The following SCAI variants were observed in gnomAD, a reference collection of about 807,000 sequenced individuals.
SCAI encodes suppressor of cancer cell invasion, also known as protein SCAI.
A neutral mutation model predicts 92.2 loss-of-function variants in SCAI; 24 were observed. That is an observed-to-expected ratio of 0.26 (90% CI 0.19 to 0.37). The LOEUF is 0.37. Among genes scored for constraint, SCAI ranks in the 10% least tolerant of loss-of-function variants. SCAI has a pLI of 1.00. For synonymous variants in SCAI, 261 were observed against 258.6 expected, an observed-to-expected ratio of 1.01 and a Z score of -0.09; for missense variants, 450 against 736.2, an observed-to-expected ratio of 0.61 and a Z score of 4.50.
intron 9 of SCAI, among the ~76,000 whole-genome samples, chr9:125,013,342 G>A (rs1274436613): frequency 1.3e-5 from 2 of 152,258 alleles, no homozygotes; most frequent in East Asian, 1.9e-4. Flanking sequence ...AAATGATAAA[G>A]GGGATATCAC....
chr9:124,983,635 G>T (rs780160666), intron 14 of SCAI, among the ~76,000 whole-genome samples: 2 of 152,270 alleles, frequency 1.3e-5, no homozygotes, highest in African/African-American at 4.8e-5. Context: ...TTACAGGCGT[G>T]AGCCACCGTG....
At chr9:125,113,612 C>T (rs879776511) in intron 2 of SCAI, among the ~76,000 whole-genome samples, 1 of 151,310 alleles carries the variant, frequency 6.6e-6, no homozygotes, top group Non-Finnish European at 1.5e-5. Context: ...ATCATAACAC[C>T]TCTTGTGTTA....
At chr9:125,052,793 T>G (rs1833584283) in intron 3 of SCAI, among the ~76,000 whole-genome samples, 1 of 151,824 alleles carries the variant, frequency 6.6e-6, no homozygotes, top group Admixed American at 6.6e-5. Context: ...GAACAGATAC[T>G]TTCCCAAAGA....
At chr9:124,979,859 C>T (rs1341092474) in intron 14 of SCAI, among the ~76,000 whole-genome samples, 1 of 151,970 alleles carries the variant, frequency 6.6e-6, no homozygotes, top group East Asian at 1.9e-4. Flanking sequence ...ACCATCCTGG[C>T]TAACACGGTG....
At chr9:125,101,374 A>T (rs1465664388) in intron 2 of SCAI, among the ~76,000 whole-genome samples, 2 of 151,532 alleles carry the variant, frequency 1.3e-5, no homozygotes, top group Admixed American at 1.3e-4. Context: ...CAGTAGAGAG[A>T]GTGGAAAATA....
chr9:125,023,819 G>A (rs1588159065), intron 6 of SCAI, among the ~76,000 whole-genome samples: 1 of 152,134 alleles, frequency 6.6e-6, no homozygotes, highest in South Asian at 2.1e-4. Flanking sequence ...GGAAGCCACT[G>A]TGATGAACTG....
intron 2 of SCAI, among the ~76,000 whole-genome samples, chr9:125,070,942 T>C (rs888720768): frequency 5.3e-5 from 8 of 152,118 alleles, no homozygotes; most frequent in African/African-American, 1.4e-4. Flanking sequence ...CGAGAGATAA[T>C]TGGATCATGG....
intron 14 of SCAI, among the ~76,000 whole-genome samples, chr9:124,987,967 A>T (rs776500934): frequency 1.3e-5 from 2 of 148,712 alleles, no homozygotes; most frequent in Admixed American, 1.3e-4. Flanking sequence ...CTTCTCAAAA[A>T]ACAAACAAAC....
Position 125,108,784 on chromosome 9 carries a change from G to A in SCAI, c.98+33849C>T, listed in dbSNP as rs550103726. Among the ~76,000 whole-genome samples, 30 of 151,754 alleles carry A rather than the reference G, an allele frequency of 2.0e-4. No individual in the cohort carries two copies. In the East Asian group the frequency reaches 2.3e-3, roughly 12 times the overall value. ...CCGCCCCGTCCGGGAGGTGGGGGGC[G>A]CCTCTGCCCGGCCGCCCCTTCTGGG... On this transcript the variant is annotated intron_variant, in intron 2 of 17. Transcript: ENST00000336505.
intron 13 of SCAI, 134 bp downstream of exon 13, chr9:124,999,757 C>A: frequency 1.8e-6 from 1 of 555,856 alleles, no homozygotes; most frequent in Non-Finnish European, 3.1e-6. Flanking sequence ...ATAAGTGTTT[C>A]TGGTCTGTCC....
intron 3 of SCAI, among the ~76,000 whole-genome samples, chr9:125,042,307 T>C (rs1833331035): frequency 6.6e-6 from 1 of 152,044 alleles, no homozygotes; most frequent in African/African-American, 2.4e-5. Flanking sequence ...TGCAAATAAT[T>C]AAACCTGATT....
intron 2 of SCAI, among the ~76,000 whole-genome samples, chr9:125,133,467 GACAA>G (rs1159944501): frequency 6.6e-6 from 1 of 152,124 alleles, no homozygotes; most frequent in East Asian, 1.9e-4. Context: ...TATGTAAGAA[GACAA>G]ACAACTGACA....
intron 2 of SCAI, among the ~76,000 whole-genome samples, chr9:125,119,129 G>T (rs575607504): frequency 6.6e-6 from 1 of 152,304 alleles, no homozygotes; most frequent in Admixed American, 6.5e-5. Context: ...AACATGACAA[G>T]ACCAAGATCC....
In SCAI at chr9:125,143,477, C is replaced by A. The variant is rs565651619; in HGVS notation, c.-40G>T. 1.5e-4 allele frequency: 203 copies of A among 1,329,178 alleles called. 1 individual carries two copies. The South Asian group carries it at 3.4e-3, about 22-fold the overall frequency. 82.3% of individuals were successfully genotyped at this position (1,329,178 alleles called of 1,614,324 possible). The stretch of plus-strand genomic sequence containing the variant: ...GCCGCGGGAGCTGCTCCGGCGGCCG[C>A]AGGGCTCGCTCGGGAAGCTGAGGCG... On this transcript the variant is annotated 5_prime_UTR_variant, in exon 1 of 18. Coordinates refer to ENST00000336505, the MANE Select transcript of SCAI (RefSeq NM_001144877.3).
intron 3 of SCAI, among the ~76,000 whole-genome samples, chr9:125,044,445 G>A (rs1344622632): frequency 1.3e-5 from 2 of 151,928 alleles, no homozygotes; most frequent in Non-Finnish European, 2.9e-5. Context: ...CCACCTGCAG[G>A]AAGGAGCAAC....
intron 2 of SCAI, among the ~76,000 whole-genome samples, chr9:125,132,842 G>GT (rs1835432638): frequency 6.6e-6 from 1 of 152,122 alleles, no homozygotes; most frequent in African/African-American, 2.4e-5. Context: ...GCACGCGCCT[G>GT]TAATCCCAGC....
chr9:125,026,955 C>G, intron 5 of SCAI, 45 bp from the exon 6 acceptor site: 3 of 1,152,850 alleles, frequency 2.6e-6, no homozygotes, highest in Non-Finnish European at 3.8e-6. Flanking sequence ...GTCAGAGACT[C>G]TTCACCATGG....
At chr9:125,140,611 T>C (rs1045209823) in intron 2 of SCAI, among the ~76,000 whole-genome samples, 1 of 149,358 alleles carries the variant, frequency 6.7e-6, no homozygotes, top group African/African-American at 2.5e-5. Flanking sequence ...CACAGCACTT[T>C]AGTAGGCCAA....
intron 2 of SCAI, among the ~76,000 whole-genome samples, chr9:125,120,831 A>C (rs899216327): frequency 7.2e-5 from 11 of 152,114 alleles, no homozygotes; most frequent in African/African-American, 2.7e-4. Flanking sequence ...GCAGTGTGCC[A>C]AGATCATGCC....
Sources: allele counts gnomAD v4.1 joint callset (sites outside exome capture counted in the v4.1 genomes callset), GRCh38; gene constraint gnomAD v4.1.1; transcripts MANE v1.5; gene names NCBI Gene and HGNC (gene_info 2026-07-23, HGNC 2026-07-21).